ODAD2: variants seen among roughly 807,000 people sequenced by gnomAD.
ODAD2 encodes outer dynein arm-docking complex subunit 2.
Under a neutral mutation model 106.8 loss-of-function variants are expected in ODAD2, and 89 were observed. That is an observed-to-expected ratio of 0.83 (90% CI 0.70 to 0.99). The LOEUF is 0.99. Ranked by LOEUF, ODAD2 falls within the 50% of genes least tolerant of loss-of-function variation. The pLI is 0.00. For synonymous variants in ODAD2, 404 were observed against 436.2 expected (o/e 0.93, Z 0.92); for missense variants, 1,168 against 1,238.5 (o/e 0.94, Z 0.85).
chr10:27,938,176 T>A lies in ODAD2; in HGVS notation c.2098-1296A>T, dbSNP rs575162671. On this transcript the variant is annotated intron_variant, in intron 14 of 19. Coordinates refer to ENST00000305242, the MANE Select transcript of ODAD2 (RefSeq NM_018076.5). The stretch of plus-strand genomic sequence containing the variant: ...CTGGTCTCGAACTCCTGACCTCAGG[T>A]TATCCACACACCTCGGCCTCCCAAA... Among the ~76,000 whole-genome samples, 5 of 152,236 alleles carry A rather than the reference T, an allele frequency of 3.3e-5. No individual in the cohort carries two copies. The East Asian group carries it at 9.6e-4, about 29-fold the overall frequency.
At chr10:27,890,229 G>A (rs1417737205) in intron 17 of ODAD2, among the ~76,000 whole-genome samples, 1 of 152,182 alleles carries the variant, frequency 6.6e-6, no homozygotes, top group Non-Finnish European at 1.5e-5. Context: ...TGAACTGGAA[G>A]AAGAGGCCAT....
chr10:27,918,061 A>C (rs578017643), intron 16 of ODAD2, among the ~76,000 whole-genome samples: 2 of 151,982 alleles, frequency 1.3e-5, no homozygotes, highest in East Asian at 3.9e-4. Flanking sequence ...CATAAAAAAA[A>C]CTCCAACTTA....
At chr10:27,938,603 TC>T (rs199595892) in intron 14 of ODAD2, among the ~76,000 whole-genome samples, 2,284 of 148,724 alleles carry the variant, frequency 0.015, 51 homozygotes, top group African/African-American at 0.034. Context: ...TCTTCTTTTT[TC>T]TTTTTTTTTT....
At chr10:27,916,790 A>G (rs1844405388) in intron 16 of ODAD2, among the ~76,000 whole-genome samples, 1 of 152,192 alleles carries the variant, frequency 6.6e-6, no homozygotes, top group Admixed American at 6.5e-5. Flanking sequence ...CTTCTGGTCA[A>G]CAGTAGGCTA....
rs184029326 is a variant in ODAD2 at position 27,949,651 on chromosome 10, G to C, written c.1387-4689C>G. ...AAAACCAGCTGGGCTGCTGGGCCCA[G>C]AGTCTGGGCTGAGAATTTTCATCTT... On this transcript the variant is annotated intron_variant, in intron 10 of 19. Coordinates refer to ENST00000305242, the MANE Select transcript of ODAD2 (RefSeq NM_018076.5). Among the ~76,000 whole-genome samples the C allele has an allele frequency of 1.3e-3, 202 of 152,306 alleles. 1 individual carries two copies. The highest frequency in any genetic ancestry group is 1.8e-4 in the Non-Finnish European group (12 of 68,024).
chr10:27,971,040 T>A, intron 8 of ODAD2, 68 bp downstream of exon 8: 1 of 728,742 alleles, frequency 1.4e-6, no homozygotes, highest in South Asian at 3.2e-5. Flanking sequence ...AAAATAAAGT[T>A]CTGTGAAAAA....
intron 19 of ODAD2, among the ~76,000 whole-genome samples, chr10:27,848,905 C>G (rs552434465): frequency 4.0e-5 from 6 of 151,724 alleles, no homozygotes; most frequent in East Asian, 1.9e-4. Flanking sequence ...GGAAACAACA[C>G]GTGCTGGAGA....
At chr10:27,995,578 C>T (rs1850512570) in intron 1 of ODAD2, 1 of 165,048 alleles carries the variant, frequency 6.1e-6, no homozygotes, top group South Asian at 1.7e-4. Context: ...GACAAACATT[C>T]CTTTCAGCCA....
Position 27,931,124 on chromosome 10 carries a change from A to AAAAG in ODAD2, c.2495+3882_2495+3885dup, listed in dbSNP as rs369323142. Among the ~76,000 whole-genome samples, 992 of 152,226 alleles carry AAAAG rather than the reference A, an allele frequency of 6.5e-3. 4 individuals carry two copies. The highest frequency in any genetic ancestry group is 0.01 in the Non-Finnish European group (694 of 67,992). On this transcript the variant is annotated intron_variant, in intron 16 of 19. Coordinates refer to ENST00000305242, the MANE Select transcript of ODAD2 (RefSeq NM_018076.5). ...CCCCTAATCTCTGCTCTCTTAAAAA[A>AAAAG]AAAGAAAGAAAGAAAGAAAGAAAGG... is the stretch of plus-strand genomic sequence containing the variant.
intron 17 of ODAD2, among the ~76,000 whole-genome samples, chr10:27,890,280 A>AT (rs1842474244): frequency 6.6e-6 from 1 of 152,184 alleles, no homozygotes; most frequent in Non-Finnish European, 1.5e-5. Context: ...GAATTTTGAC[A>AT]TGGCACAGTT....
At chr10:27,992,760 TA>T (rs1329713565) in intron 2 of ODAD2, among the ~76,000 whole-genome samples, 2 of 151,948 alleles carry the variant, frequency 1.3e-5, no homozygotes, top group Admixed American at 6.6e-5. Context: ...TGGACAAGAA[TA>T]GGGGGAAATA....
At chr10:27,823,629 C>T (rs996296448) in intron 19 of ODAD2, among the ~76,000 whole-genome samples, 1 of 152,144 alleles carries the variant, frequency 6.6e-6, no homozygotes, top group Non-Finnish European at 1.5e-5. Flanking sequence ...ATTATTATTA[C>T]TCTTGTTATA....
At chr10:27,817,281 T>C (rs1589738719) in intron 19 of ODAD2, among the ~76,000 whole-genome samples, 4 of 152,350 alleles carry the variant, frequency 2.6e-5, no homozygotes, top group South Asian at 2.1e-4. Context: ...TCATGATCTA[T>C]GGTTCAGAAT....
intron 15 of ODAD2, among the ~76,000 whole-genome samples, chr10:27,936,186 C>A (rs887771678): frequency 1.3e-5 from 2 of 152,086 alleles, no homozygotes; most frequent in African/African-American, 4.8e-5. Context: ...AGATTGTAAT[C>A]TCTCAAAAAT....
chr10:27,911,437 T>C lies in ODAD2; in HGVS notation c.2496-3660A>G, dbSNP rs1261316451. On this transcript the variant is annotated intron_variant, in intron 16 of 19. Transcript: ENST00000305242. ...TCATCAATTCAGAATTTGCAAATAATGAGGACTGACTGTATTTTAATGGAC... is the reference window on the plus strand; with the variant it reads ...TCATCAATTCAGAATTTGCAAATAACGAGGACTGACTGTATTTTAATGGAC... Among the ~76,000 whole-genome samples the C allele has an allele frequency of 2.6e-5, 4 of 152,172 alleles. No homozygotes were observed. The East Asian group carries it at 5.8e-4, about 22-fold the overall frequency.
intron 19 of ODAD2, among the ~76,000 whole-genome samples, chr10:27,843,587 G>A (rs1838473914): frequency 6.6e-6 from 1 of 152,100 alleles, no homozygotes; most frequent in Admixed American, 6.5e-5. Flanking sequence ...CCAACATGAT[G>A]AAACACCACC....
intron 19 of ODAD2, among the ~76,000 whole-genome samples, chr10:27,815,016 C>T (rs529877031): frequency 1.3e-5 from 2 of 152,262 alleles, no homozygotes; most frequent in South Asian, 2.1e-4. Context: ...ATCTTCAGTT[C>T]TTCTTTTTAG....
chr10:27,845,413 T>C (rs968724301), intron 19 of ODAD2, among the ~76,000 whole-genome samples: 2 of 152,156 alleles, frequency 1.3e-5, no homozygotes, highest in African/African-American at 2.4e-5. Flanking sequence ...AAAGAGCTCC[T>C]GAAGGAAGCA....
chr10:27,876,679 A>T (rs1841363029), intron 17 of ODAD2, among the ~76,000 whole-genome samples: 1 of 152,182 alleles, frequency 6.6e-6, no homozygotes, highest in South Asian at 2.1e-4. Flanking sequence ...GAGTCCTCCT[A>T]CTTATAGGCA....
Sources: allele counts gnomAD v4.1 joint callset (sites outside exome capture counted in the v4.1 genomes callset), GRCh38; gene constraint gnomAD v4.1.1; transcripts MANE v1.5; gene names NCBI Gene and HGNC (gene_info 2026-07-23, HGNC 2026-07-21).